RAD54L2: variants seen among roughly 807,000 people sequenced by gnomAD.
RAD54L2 encodes the protein helicase ARIP4.
In RAD54L2, 27 loss-of-function variants were observed where a neutral mutation model predicts 138.4. The ratio of observed to expected loss-of-function variants is 0.20; its 90% CI spans 0.14 to 0.27. RAD54L2 has a LOEUF of 0.27. Among genes scored for constraint, RAD54L2 ranks in the 10% least tolerant of loss-of-function variants. The probability of loss-of-function intolerance (pLI) is 1.00; values close to 1 mark genes in which losing one functional copy is unlikely to be tolerated. For missense variants in RAD54L2, 1,396 were observed against 1,890.2 expected (o/e 0.74, Z 4.85); for synonymous variants, 644 against 723.2 (o/e 0.89, Z 1.76).
intron 2 of RAD54L2, among the ~76,000 whole-genome samples, chr3:51,564,971 T>C (rs1699180606): frequency 6.6e-6 from 1 of 152,126 alleles, no homozygotes; most frequent in South Asian, 2.1e-4. Context: ...AGGGAAGCCT[T>C]ATTTCTTCCC....
At position 51,645,550 on chromosome 3, in the gene RAD54L2, AATG is replaced by A. The variant is rs1701257719; in HGVS notation, c.2657-40_2657-38del. ...ATTATTAGTGACCTTTACAGTTTTT[AATG>A]CCATGTGCTGACTTTCTTCATGTCT... On this transcript the variant is annotated intron_variant, in intron 17 of 22. Transcript: ENST00000684192. The surrounding 1 kb of genome is among the most constrained non-coding windows in gnomAD (Gnocchi z 6.1). 3.2e-6 allele frequency: 5 copies of A among 1,544,070 alleles called. No individual in the cohort carries two copies. The East Asian group carries it at 1.1e-4, about 35-fold the overall frequency.
chr3:51,592,251 C>T (rs951567917), intron 3 of RAD54L2, among the ~76,000 whole-genome samples: 3 of 151,056 alleles, frequency 2.0e-5, no homozygotes, highest in African/African-American at 4.9e-5. Flanking sequence ...TTAGTAGAGA[C>T]GGGATTTCTC....
chr3:51,590,516 A>G lies in RAD54L2; in HGVS notation c.96A>G (p.Ala32=), dbSNP rs1465596645. 6.4e-7 allele frequency: 1 copy of G among 1,552,278 alleles called. No homozygotes were observed. Among genetic ancestry groups the G allele is most frequent in the African/African-American group, 1.4e-5 (1 of 73,046 alleles). ...AGGAGGAGGAGGAGGAGGAGGTGGC[A>G]GTGGAGGAGTGTGACAGGGATGATG... ...AEEEEEEEEV[A]VEECDRDDEE... The change falls in exon 3 of 23, where the codon GCA becomes GCG. Residue 32 remains alanine (A), a synonymous_variant. Coordinates refer to ENST00000684192, the MANE Select transcript of RAD54L2 (RefSeq NM_015106.4).
intron 2 of RAD54L2, among the ~76,000 whole-genome samples, chr3:51,544,436 T>A (rs1698634068): frequency 6.6e-6 from 1 of 152,214 alleles, no homozygotes; most frequent in Admixed American, 6.5e-5. Context: ...ACATTTCATT[T>A]GGGAGTAAAT....
chr3:51,581,256 A>G (rs1457276622), intron 2 of RAD54L2, among the ~76,000 whole-genome samples: 1 of 152,020 alleles, frequency 6.6e-6, no homozygotes, highest in Admixed American at 6.6e-5. Flanking sequence ...CACCACCACA[A>G]CCGGCTAATT....
intron 3 of RAD54L2, among the ~76,000 whole-genome samples, chr3:51,604,636 G>T (rs1700140540): frequency 6.6e-6 from 1 of 152,164 alleles, no homozygotes; most frequent in South Asian, 2.1e-4. Flanking sequence ...TAATATAGTT[G>T]TTTGATGACT....
In RAD54L2 at chr3:51,635,676, T is replaced by C; in HGVS notation, c.1226T>C (p.Leu409Pro). Residue 409 changes from leucine to proline, a missense_variant, in exon 10 of 23, where the codon CTC becomes CCC. Leu to Pro is a moderately conservative substitution (Grantham distance 98). Coordinates refer to ENST00000684192, the MANE Select transcript of RAD54L2 (RefSeq NM_015106.4). ...CTGATGGGGTACGAGATGTACAGAC[T>C]CCTCACTCTGAAGAAATCATTTGCC... ...VLLMGYEMYR[L>P]LTLKKSFATG... is the part of the protein sequence containing the mutation. The C allele has an allele frequency of 6.2e-7, 1 of 1,613,864 alleles. No individual in the cohort carries two copies. Among genetic ancestry groups the C allele is most frequent in the Non-Finnish European group, 8.5e-7 (1 of 1,179,848 alleles).
intron 3 of RAD54L2, among the ~76,000 whole-genome samples, chr3:51,622,727 C>T (rs927274094): frequency 1.3e-5 from 2 of 152,132 alleles, no homozygotes; most frequent in Non-Finnish European, 2.9e-5. Flanking sequence ...AGTAGTCTTA[C>T]CCAGGACAGG....
In RAD54L2 at chr3:51,663,594, CAA is replaced by C. The variant is rs34235841; in HGVS notation, c.*197_*198del. On this transcript the variant is annotated 3_prime_UTR_variant, in exon 23 of 23. Transcript: ENST00000684192. The stretch of plus-strand genomic sequence containing the variant: ...CTCTGTTGCTGTTTAACAAAAGAGG[CAA>C]AAAAAAAAAAAAAAAAAAAAAAGTC... 0.042 allele frequency: 2,269 copies of C among 54,660 alleles called. 6 individuals are homozygous for C. The highest frequency in any genetic ancestry group is 0.068 in the African/African-American group (779 of 11,504). The allele number at this position is 54,660 out of a possible 1,614,324, so 3.4% of individuals were successfully genotyped here.
intron 2 of RAD54L2, among the ~76,000 whole-genome samples, chr3:51,545,928 A>ATTT (rs1698680698): frequency 3.0e-5 from 4 of 134,526 alleles, no homozygotes; most frequent in African/African-American, 1.2e-4. Flanking sequence ...GCCTACATCA[A>ATTT]TTCTTTTTTT....
rs148791068 is a variant in RAD54L2, at chr3:51,647,590, A to G, written c.3026+1109A>G. Among the ~76,000 whole-genome samples, 301 of 152,248 alleles carry G rather than the reference A, an allele frequency of 2.0e-3. 1 individual carries two copies. The highest frequency in any genetic ancestry group is 6.5e-3 in the African/African-American group (271 of 41,540). ...AGGCTGAGGCAGGAGAATTGCTTGA[A>G]TCTGGGAGGCAGAGGTTGTGGTGAG... On this transcript the variant is annotated intron_variant, in intron 19 of 22. Transcript: ENST00000684192.
At chr3:51,579,171 T>G (rs1699553114) in intron 2 of RAD54L2, among the ~76,000 whole-genome samples, 1 of 150,640 alleles carries the variant, frequency 6.6e-6, no homozygotes. Flanking sequence ...CTTTTTTTTT[T>G]TTTTTTTTTG....
chr3:51,623,179 T>C (rs1700603887), intron 3 of RAD54L2, among the ~76,000 whole-genome samples: 1 of 152,226 alleles, frequency 6.6e-6, no homozygotes, highest in South Asian at 2.1e-4. Flanking sequence ...AACATGAAAG[T>C]GTAGTCTACA....
rs935171593 is a variant in RAD54L2, at chr3:51,662,163, C to T, written c.3410-263C>T. Among the ~76,000 whole-genome samples the T allele has an allele frequency of 3.9e-5, 6 of 152,030 alleles. No homozygotes were observed. Among genetic ancestry groups the T allele is most frequent in the Admixed American group, 2.0e-4 (3 of 15,260 alleles). ...TCTTAGTGTTTCATATCCCTTATCTCGTAGGATTCATTTTGGTATAGTTTT... is the reference window on the plus strand; with the variant it reads ...TCTTAGTGTTTCATATCCCTTATCTTGTAGGATTCATTTTGGTATAGTTTT... On this transcript the variant is annotated intron_variant, in intron 22 of 22. Coordinates refer to ENST00000684192, the MANE Select transcript of RAD54L2 (RefSeq NM_015106.4). This position sits in a 1 kb window ranked among gnomAD's most constrained non-coding sequence, Gnocchi z 4.6.
At chr3:51,594,244 T>C (rs984784538) in intron 3 of RAD54L2, among the ~76,000 whole-genome samples, 1 of 151,930 alleles carries the variant, frequency 6.6e-6, no homozygotes, top group Non-Finnish European at 1.5e-5. Flanking sequence ...TGGCTAAGTT[T>C]TTGTATTTAG....
chr3:51,539,684 G>A (rs1199016397), intron 1 of RAD54L2, among the ~76,000 whole-genome samples: 2 of 152,176 alleles, frequency 1.3e-5, no homozygotes, highest in African/African-American at 2.4e-5. Context: ...CTTTATGTGG[G>A]TCATGGTGGT....
intron 3 of RAD54L2, among the ~76,000 whole-genome samples, chr3:51,616,472 C>A (rs1034574151): frequency 6.6e-6 from 1 of 152,154 alleles, no homozygotes; most frequent in East Asian, 1.9e-4. Flanking sequence ...ATAAAACTCA[C>A]ATATTTCACA....
At chr3:51,591,764 T>G (rs1699845484) in intron 3 of RAD54L2, among the ~76,000 whole-genome samples, 1 of 152,168 alleles carries the variant, frequency 6.6e-6, no homozygotes, top group Admixed American at 6.6e-5. Context: ...TCAGCATCAC[T>G]TTTTGCTTTT....
intron 2 of RAD54L2, among the ~76,000 whole-genome samples, chr3:51,584,115 C>T (rs2106695624): frequency 6.6e-6 from 1 of 152,142 alleles, no homozygotes; most frequent in East Asian, 1.9e-4. Context: ...AGTCATTTAG[C>T]TAGTTATTCA....
Sources: gnomAD v4.1 joint callset for allele counts (sites outside exome capture counted in the v4.1 genomes callset) on GRCh38, gnomAD v4.1.1 for gene constraint, Gnocchi (gnomAD v3.1) non-coding constraint, MANE v1.5 for transcripts, NCBI Gene and HGNC (gene_info 2026-07-23, HGNC 2026-07-21) for gene names.